Variants in SMIM3 observed in about 807,000 individuals in gnomAD.
The protein encoded by SMIM3 is NGF-induced differentiation clone 67 protein.
In SMIM3, 4 loss-of-function variants were observed where a neutral mutation model predicts 2.1. That is an observed-to-expected ratio of 1.89 (90% CI 0.93 to 4.31). SMIM3 has a LOEUF of 4.31. Among genes scored for constraint, SMIM3 ranks in the 30% most tolerant of loss-of-function variants. The pLI is 0.01. For missense variants in SMIM3, 79 were observed against 77.7 expected, an observed-to-expected ratio of 1.02 and a Z score of -0.06; for synonymous variants, 29 against 30.8, an observed-to-expected ratio of 0.94 and a Z score of 0.19.
At position 150,786,037 on chromosome 5, in the gene SMIM3, CCTT is replaced by C. The variant is rs1447470073; in HGVS notation, c.-12+7068_-12+7070del. Among the ~76,000 whole-genome samples, 4 of 152,214 alleles carry C rather than the reference CCTT, an allele frequency of 2.6e-5. No homozygotes were observed. In the East Asian group the frequency reaches 7.7e-4, roughly 29 times the overall value. On this transcript the variant is annotated intron_variant, in intron 1 of 1. Transcript: ENST00000526627. ...TGTTCTGCTTCATTCTTTCTTTTCTCCTTCTGATACTCCAGTATATTTATGTTG... is the reference window on the plus strand; with the variant it reads ...TGTTCTGCTTCATTCTTTCTTTTCTCCTGATACTCCAGTATATTTATGTTG...
intron 1 of SMIM3, 21 bp from the exon 2 acceptor site, chr5:150,795,409 T>C: frequency 6.2e-7 from 1 of 1,613,322 alleles, no homozygotes. Flanking sequence ...AACAGTGATC[T>C]TCCTTTCTTG....
intron 1 of SMIM3, among the ~76,000 whole-genome samples, 194 bp from the exon 2 acceptor site, chr5:150,795,236 A>T (rs766777424): frequency 3.3e-5 from 5 of 152,226 alleles, no homozygotes; most frequent in Non-Finnish European, 7.3e-5. Flanking sequence ...GTGTTAATAG[A>T]CATAAAGTGT....
At chr5:150,781,311 C>G (rs1753230741) in intron 1 of SMIM3, among the ~76,000 whole-genome samples, 1 of 152,094 alleles carries the variant, frequency 6.6e-6, no homozygotes, top group South Asian at 2.1e-4. Context: ...CTAGTGGATC[C>G]CTAGAGACCT....
At chr5:150,787,058 G>T (rs1346312432) in intron 1 of SMIM3, among the ~76,000 whole-genome samples, 1 of 152,118 alleles carries the variant, frequency 6.6e-6, no homozygotes, top group Non-Finnish European at 1.5e-5. Flanking sequence ...TCAAAGTGCA[G>T]AAGTTTTACT....
intron 1 of SMIM3, among the ~76,000 whole-genome samples, chr5:150,786,021 T>G (rs1184176421): frequency 6.6e-6 from 1 of 152,222 alleles, no homozygotes; most frequent in African/African-American, 2.4e-5. Context: ...TTGTTCTGCT[T>G]CATTCTTTCT....
intron 1 of SMIM3, among the ~76,000 whole-genome samples, chr5:150,787,443 C>A (rs1401375152): frequency 1.6e-4 from 25 of 152,186 alleles, no homozygotes; most frequent in Non-Finnish European, 3.5e-4. Context: ...TATGGAATGG[C>A]CTTCAGCTGA....
At chr5:150,784,829 T>C (rs1753273459) in intron 1 of SMIM3, among the ~76,000 whole-genome samples, 1 of 152,202 alleles carries the variant, frequency 6.6e-6, no homozygotes, top group Non-Finnish European at 1.5e-5. Context: ...CCCTTTATTC[T>C]AAGTATTTGT....
intron 1 of SMIM3, among the ~76,000 whole-genome samples, chr5:150,782,135 C>G (rs1753242440): frequency 6.6e-6 from 1 of 152,156 alleles, no homozygotes; most frequent in Non-Finnish European, 1.5e-5. Flanking sequence ...TCCTTAGGGA[C>G]TTTGGGTCAT....
intron 1 of SMIM3, among the ~76,000 whole-genome samples, chr5:150,790,981 T>A (rs1031381853): frequency 2.0e-5 from 3 of 152,188 alleles, no homozygotes; most frequent in African/African-American, 7.2e-5. Context: ...AAAGCCTCTT[T>A]GCCCCCTTAA....
intron 1 of SMIM3, among the ~76,000 whole-genome samples, chr5:150,791,822 A>G (rs1753352737): frequency 6.6e-6 from 1 of 152,230 alleles, no homozygotes; most frequent in Non-Finnish European, 1.5e-5. Context: ...TTATTTGAGG[A>G]ACCTCCATTC....
At chr5:150,791,323 A>G (rs909229163) in intron 1 of SMIM3, among the ~76,000 whole-genome samples, 1 of 152,126 alleles carries the variant, frequency 6.6e-6, no homozygotes, top group Non-Finnish European at 1.5e-5. Context: ...ATGACTAATA[A>G]ATAAATTAAT....
intron 1 of SMIM3, among the ~76,000 whole-genome samples, chr5:150,784,467 A>C (rs970509990): frequency 2.6e-5 from 4 of 152,170 alleles, no homozygotes; most frequent in African/African-American, 9.7e-5. Context: ...GATCTGAGAG[A>C]GACATCTTGA....
chr5:150,795,403 G>T (rs548622747), intron 1 of SMIM3, 27 bp from the exon 2 acceptor site: 1 of 1,613,146 alleles, frequency 6.2e-7, no homozygotes, highest in South Asian at 1.1e-5. Flanking sequence ...GTACGCAACA[G>T]TGATCTTCCT....
chr5:150,786,560 C>T (rs1051374768), intron 1 of SMIM3, among the ~76,000 whole-genome samples: 36 of 152,162 alleles, frequency 2.4e-4, no homozygotes, highest in African/African-American at 8.7e-4. Context: ...GTGCTGAGAT[C>T]ACAGGTGTGA....
At chr5:150,787,074 T>C (rs1753300473) in intron 1 of SMIM3, among the ~76,000 whole-genome samples, 1 of 152,170 alleles carries the variant, frequency 6.6e-6, no homozygotes, top group Admixed American at 6.5e-5. Context: ...TTACTCTCCC[T>C]CTCTTGGCAG....
intron 1 of SMIM3, among the ~76,000 whole-genome samples, chr5:150,779,463 A>C (rs1753209224): frequency 6.6e-6 from 1 of 152,092 alleles, no homozygotes; most frequent in African/African-American, 2.4e-5. Context: ...AGGAGTTTGG[A>C]GTCAGGAGTG....
chr5:150,779,465 T>G (rs931865213), intron 1 of SMIM3, among the ~76,000 whole-genome samples: 3 of 152,070 alleles, frequency 2.0e-5, no homozygotes, highest in African/African-American at 7.2e-5. Flanking sequence ...GAGTTTGGAG[T>G]CAGGAGTGGC....
At chr5:150,785,190 C>T (rs555520061) in intron 1 of SMIM3, among the ~76,000 whole-genome samples, 35 of 147,500 alleles carry the variant, frequency 2.4e-4, no homozygotes, top group African/African-American at 4.6e-4. Context: ...CAGGTTCAAG[C>T]GATTCTCTTG....
intron 1 of SMIM3, among the ~76,000 whole-genome samples, chr5:150,779,856 A>G (rs986016476): frequency 3.8e-5 from 5 of 130,884 alleles, no homozygotes; most frequent in African/African-American, 1.4e-4. Flanking sequence ...CACAAATTGA[A>G]ACAAACCTCA....
Sources: gnomAD v4.1 joint callset for allele counts (sites outside exome capture counted in the v4.1 genomes callset) on GRCh38, gnomAD v4.1.1 for gene constraint, MANE v1.5 for transcripts, NCBI Gene and HGNC (gene_info 2026-07-23, HGNC 2026-07-21) for gene names.